Variants in KDM4C observed in about 807,000 individuals in gnomAD.
The protein encoded by KDM4C is lysine demethylase 4C.
KDM4C carries 81 observed loss-of-function variants against 129.3 expected under a neutral mutation model. The ratio of observed to expected loss-of-function variants is 0.63; its 90% confidence interval spans 0.52 to 0.75. The LOEUF (loss-of-function observed/expected upper bound fraction) is 0.75. KDM4C is among the 30% of genes least tolerant of loss of function. The pLI is 0.00. For synonymous variants in KDM4C, 573 were observed against 456.1 expected (o/e 1.26, Z -3.26); for missense variants, 1,457 against 1,304.0 (o/e 1.12, Z -1.81).
intron 2 of KDM4C, among the ~76,000 whole-genome samples, chr9:6,801,331 C>T (rs1370276316): frequency 7.2e-6 from 1 of 138,292 alleles, no homozygotes; most frequent in Non-Finnish European, 1.5e-5. Context: ...TGGCTCACTG[C>T]AAGCTCTGCC....
rs1587813632 is a variant in KDM4C, at chr9:7,134,517, A to G, written c.2781+6281A>G. 2.6e-5 allele frequency among the ~76,000 whole-genome samples: 4 copies of G among 152,332 alleles called. No homozygotes were observed. In the East Asian group the frequency reaches 7.7e-4, roughly 29 times the overall value. Reference sequence around the variant, plus strand: ...TATAAATTTAATATATACATTTCTCACAAATGTCACAATTTTTCTAGGCAT... The same window carrying G: ...TATAAATTTAATATATACATTTCTCGCAAATGTCACAATTTTTCTAGGCAT... On this transcript the variant is annotated intron_variant, in intron 19 of 21. Coordinates refer to ENST00000381309, the MANE Select transcript of KDM4C (RefSeq NM_015061.6).
rs1049496535 is a variant in KDM4C, at chr9:6,729,941, C to A, written c.49+8944C>A. On this transcript the variant is annotated intron_variant, in intron 1 of 17. Coordinates refer to the KDM4C transcript ENST00000536108. ...CCTGGCCAACATGGCGAAAATTAAT[C>A]TCTACTAAATATACAAAAATTAGCT... Among the ~76,000 whole-genome samples, 16 of 133,660 alleles carry A rather than the reference C, an allele frequency of 1.2e-4. 2 individuals are homozygous for A. The highest frequency in any genetic ancestry group is 2.4e-4 in the Non-Finnish European group (16 of 65,328). 87.7% of individuals were successfully genotyped at this position (133,660 alleles called of 152,430 possible).
intron 8 of KDM4C, among the ~76,000 whole-genome samples, chr9:6,966,184 C>T (rs1353680495): frequency 6.6e-6 from 1 of 152,042 alleles, no homozygotes; most frequent in Non-Finnish European, 1.5e-5. Flanking sequence ...ATTTCCACTC[C>T]TAATACTTTT....
intron 1 of KDM4C, among the ~76,000 whole-genome samples, chr9:6,791,760 T>A (rs1175097409): frequency 2.0e-5 from 3 of 152,202 alleles, no homozygotes; most frequent in African/African-American, 7.2e-5. Flanking sequence ...CAGTGGCTCA[T>A]GCCTGTAATC....
intron 17 of KDM4C, among the ~76,000 whole-genome samples, chr9:7,066,832 T>C (rs1832487068): frequency 6.6e-6 from 1 of 152,242 alleles, no homozygotes; most frequent in Admixed American, 6.5e-5. Context: ...CTTTAAAGTT[T>C]CTCTAGGAAG....
intron 17 of KDM4C, among the ~76,000 whole-genome samples, chr9:7,060,352 A>G (rs1477216653): frequency 6.6e-6 from 1 of 151,140 alleles, no homozygotes; most frequent in Non-Finnish European, 1.5e-5. Context: ...TTTAATTTGA[A>G]ACTGTTAACT....
intron 17 of KDM4C, among the ~76,000 whole-genome samples, chr9:7,059,967 G>A (rs80300079): frequency 0.04 from 6,150 of 152,014 alleles, 406 homozygotes; most frequent in African/African-American, 0.14. Context: ...CCTTAATAAC[G>A]TTTAAGAGTA....
chr9:7,174,135 A>T (rs1342059236), intron 21 of KDM4C, among the ~76,000 whole-genome samples: 1 of 152,240 alleles, frequency 6.6e-6, no homozygotes, highest in East Asian at 1.9e-4. Flanking sequence ...TGTCACAGGA[A>T]TTAGCAACTA....
chr9:7,098,810 C>CCCCCAGTGCTGT (rs1160021824), intron 17 of KDM4C, among the ~76,000 whole-genome samples: 1 of 152,224 alleles, frequency 6.6e-6, no homozygotes, highest in Non-Finnish European at 1.5e-5. Context: ...CTGTAGAACT[C>CCCCCAGTGCTGT]AGACTTCCCC....
intron 19 of KDM4C, among the ~76,000 whole-genome samples, chr9:7,144,938 T>G (rs986945065): frequency 3.3e-5 from 5 of 152,236 alleles, no homozygotes; most frequent in Non-Finnish European, 7.3e-5. Flanking sequence ...CACAGAAGCT[T>G]TGTGAAAGCT....
At chr9:7,056,673 A>G (rs953794539) in intron 17 of KDM4C, among the ~76,000 whole-genome samples, 1 of 152,170 alleles carries the variant, frequency 6.6e-6, no homozygotes, top group Non-Finnish European at 1.5e-5. Flanking sequence ...TTTTGAAGTC[A>G]TTTTTTCCTG....
chr9:6,769,923 A>G (rs1345568420), intron 1 of KDM4C, among the ~76,000 whole-genome samples: 7 of 152,166 alleles, frequency 4.6e-5, no homozygotes, highest in African/African-American at 9.6e-5. Flanking sequence ...GCTCATGCCT[A>G]TAATCACAGC....
rs189616711 is a variant in KDM4C at position 6,973,308 on chromosome 9, G to T, written c.922-7617G>T. The stretch of plus-strand genomic sequence containing the variant: ...TCTTCCTGTGTCAGCCTTCCAAAGT[G>T]CTAGGATTACAGGCGTGAGCCCCAC... On this transcript the variant is annotated intron_variant, in intron 8 of 21. Transcript: ENST00000381309. Among the ~76,000 whole-genome samples the T allele has an allele frequency of 3.5e-3, 538 of 152,290 alleles. 2 individuals carry two copies. Among genetic ancestry groups the T allele is most frequent in the African/African-American group, 0.012 (507 of 41,560 alleles).
At chr9:6,836,661 G>C (rs1033019431) in intron 4 of KDM4C, among the ~76,000 whole-genome samples, 1 of 152,034 alleles carries the variant, frequency 6.6e-6, no homozygotes, top group African/African-American at 2.4e-5. Flanking sequence ...TGTTTAGTTT[G>C]GCTTATTTTT....
At chr9:6,986,267 T>G (rs912207) in intron 10 of KDM4C, 77 bp from the exon 11 acceptor site, 578,140 of 980,348 alleles carry the variant, frequency 0.59, 172,680 homozygotes, top group South Asian at 0.71. Context: ...TACAGAATCA[T>G]TTGGGAATAG....
At chr9:6,923,476 T>A (rs758796221) in intron 8 of KDM4C, among the ~76,000 whole-genome samples, 2 of 152,204 alleles carry the variant, frequency 1.3e-5, no homozygotes, top group Non-Finnish European at 2.9e-5. Context: ...TGAATTGTAT[T>A]CTTGGATTTA....
chr9:6,883,117 A>G (rs1482197048), intron 6 of KDM4C, among the ~76,000 whole-genome samples: 1 of 152,230 alleles, frequency 6.6e-6, no homozygotes, highest in African/African-American at 2.4e-5. Context: ...TTTTAATTTT[A>G]TGAACAGATT....
At chr9:6,977,262 T>C (rs1307343073) in intron 8 of KDM4C, among the ~76,000 whole-genome samples, 1 of 152,206 alleles carries the variant, frequency 6.6e-6, no homozygotes, top group East Asian at 1.9e-4. Context: ...TTTTCATAAT[T>C]GTTGGAAAAT....
At chr9:6,858,910 A>C (rs1028182424) in intron 5 of KDM4C, among the ~76,000 whole-genome samples, 1 of 152,096 alleles carries the variant, frequency 6.6e-6, no homozygotes, top group Admixed American at 6.5e-5. Context: ...GTTGGTAGAA[A>C]ATGCATGCAA....
Sources: allele counts gnomAD v4.1 joint callset (sites outside exome capture counted in the v4.1 genomes callset), GRCh38; gene constraint gnomAD v4.1.1; transcripts MANE v1.5; gene names NCBI Gene and HGNC (gene_info 2026-07-23, HGNC 2026-07-21).